ADGRB3: variants seen among roughly 807,000 people sequenced by gnomAD.
The protein encoded by ADGRB3 is brain-specific angiogenesis inhibitor 3.
A neutral mutation model predicts 193.4 loss-of-function variants in ADGRB3; 37 were observed. The observed-to-expected ratio is 0.19, with a 90% CI of 0.15 to 0.25. The LOEUF is 0.25. Ranked by LOEUF, ADGRB3 falls within the 10% of genes least tolerant of loss-of-function variation. The probability of loss-of-function intolerance (pLI) is 1.00; values close to 1 mark genes in which losing one functional copy is unlikely to be tolerated. For synonymous variants in ADGRB3, 690 were observed against 644.2 expected (o/e 1.07, Z -1.08); for missense variants, 1,637 against 1,852.9 (o/e 0.88, Z 2.14).
chr6:69,251,654 CA>C (rs1181641030), intron 20 of ADGRB3, among the ~76,000 whole-genome samples: 3 of 152,150 alleles, frequency 2.0e-5, no homozygotes, highest in African/African-American at 4.8e-5. Flanking sequence ...GTATAGTTAA[CA>C]AAAAAATGCA....
chr6:69,257,751 A>G (rs1238874479), intron 20 of ADGRB3, among the ~76,000 whole-genome samples: 3 of 152,218 alleles, frequency 2.0e-5, no homozygotes, highest in African/African-American at 7.2e-5. Context: ...AGATAGCATG[A>G]ATTTTGTGAA....
At chr6:69,081,293 C>A (rs1312686468) in intron 17 of ADGRB3, among the ~76,000 whole-genome samples, 1 of 151,852 alleles carries the variant, frequency 6.6e-6, no homozygotes, top group African/African-American at 2.4e-5. Flanking sequence ...TTTACATTAT[C>A]AAAATACTAG....
At chr6:69,332,194 T>C in intron 23 of ADGRB3, 1 of 985,448 alleles carries the variant, frequency 1.0e-6, no homozygotes, top group Non-Finnish European at 1.2e-6. Flanking sequence ...ATGCAGTTTT[T>C]ACAGTTTTAC....
intron 3 of ADGRB3, among the ~76,000 whole-genome samples, chr6:68,718,826 C>T (rs1006765808): frequency 2.0e-5 from 3 of 151,764 alleles, no homozygotes; most frequent in African/African-American, 4.8e-5. Context: ...AAACCTGGCC[C>T]ACTGCCTGTT....
intron 3 of ADGRB3, among the ~76,000 whole-genome samples, chr6:68,909,786 A>G (rs1766649510): frequency 6.6e-6 from 1 of 152,126 alleles, no homozygotes; most frequent in Non-Finnish European, 1.5e-5. Flanking sequence ...TATGAAATTT[A>G]AAGGGTAACC....
At chr6:68,782,511 T>G (rs894016488) in intron 3 of ADGRB3, among the ~76,000 whole-genome samples, 2 of 152,100 alleles carry the variant, frequency 1.3e-5, no homozygotes, top group African/African-American at 4.8e-5. Context: ...CTGGGTCAAA[T>G]GATATTTCTA....
chr6:68,929,161 G>A (rs996115248), intron 3 of ADGRB3, among the ~76,000 whole-genome samples: 1 of 152,076 alleles, frequency 6.6e-6, no homozygotes, highest in Non-Finnish European at 1.5e-5. Flanking sequence ...TTATTGATAA[G>A]CAGAATCAGC....
At chr6:69,082,481 T>TC (rs1239986737) in intron 17 of ADGRB3, among the ~76,000 whole-genome samples, 2 of 152,148 alleles carry the variant, frequency 1.3e-5, no homozygotes, top group Non-Finnish European at 2.9e-5. Context: ...TCTACTTTTT[T>TC]CCCCTCTCAG....
intron 17 of ADGRB3, among the ~76,000 whole-genome samples, chr6:69,226,952 A>C (rs1391477297): frequency 6.6e-6 from 1 of 152,216 alleles, no homozygotes; most frequent in Admixed American, 6.5e-5. Flanking sequence ...CCTTCTTTTG[A>C]TCAATTCAAG....
chr6:68,732,741 G>A (rs115410346), intron 3 of ADGRB3, among the ~76,000 whole-genome samples: 3,166 of 152,014 alleles, frequency 0.021, 101 homozygotes, highest in African/African-American at 0.072. Context: ...CTCCTATCAT[G>A]ATATTGGGAT....
chr6:69,227,056 A>G (rs1183405714), intron 17 of ADGRB3, among the ~76,000 whole-genome samples: 2 of 152,170 alleles, frequency 1.3e-5, no homozygotes, highest in Non-Finnish European at 2.9e-5. Context: ...TTTTTTACCT[A>G]CTACAGATGG....
chr6:68,993,188 G>C (rs1769288146), intron 10 of ADGRB3, among the ~76,000 whole-genome samples: 1 of 117,834 alleles, frequency 8.5e-6, no homozygotes, highest in Admixed American at 8.4e-5. Context: ...AATTGTTTTT[G>C]CTGTTTTTTT....
At chr6:68,927,139 A>G (rs1361369134) in intron 3 of ADGRB3, among the ~76,000 whole-genome samples, 1 of 151,832 alleles carries the variant, frequency 6.6e-6, no homozygotes, top group Non-Finnish European at 1.5e-5. Flanking sequence ...ATAACCCTGT[A>G]TATTCATAAA....
intron 20 of ADGRB3, among the ~76,000 whole-genome samples, chr6:69,313,817 T>C (rs886376322): frequency 1.3e-5 from 2 of 151,776 alleles, no homozygotes; most frequent in African/African-American, 4.8e-5. Flanking sequence ...GAAATACATA[T>C]ACATTGTAGA....
chr6:69,049,378 T>C, intron 15 of ADGRB3, 32 bp downstream of exon 15: 1 of 1,479,424 alleles, frequency 6.8e-7, no homozygotes, highest in South Asian at 1.2e-5. Context: ...TGTTGTAATT[T>C]TGTAAATTAT....
At chr6:68,712,911 A>AT (rs1429558649) in intron 3 of ADGRB3, among the ~76,000 whole-genome samples, 3 of 149,194 alleles carry the variant, frequency 2.0e-5, no homozygotes, top group African/African-American at 7.3e-5. Flanking sequence ...TTAATAAAAT[A>AT]ATTTTTTTTA....
chr6:69,371,538 C>T (rs1356253098), intron 29 of ADGRB3, among the ~76,000 whole-genome samples: 3 of 152,018 alleles, frequency 2.0e-5, no homozygotes, highest in African/African-American at 7.2e-5. Flanking sequence ...CTCCCTGTTT[C>T]ATTCCCTCTC....
chr6:69,123,641 A>G (rs1174205095), intron 17 of ADGRB3, among the ~76,000 whole-genome samples: 1 of 152,210 alleles, frequency 6.6e-6, no homozygotes, highest in Non-Finnish European at 1.5e-5. Context: ...AGGCAATTTT[A>G]TATACAGCAC....
chr6:68,697,242 C>A (rs1174744584), intron 3 of ADGRB3, among the ~76,000 whole-genome samples: 1 of 151,872 alleles, frequency 6.6e-6, no homozygotes, highest in Admixed American at 6.6e-5. Flanking sequence ...TTTCAATTAA[C>A]CAGTTTCTTT....
Sources: gnomAD v4.1 joint callset for allele counts (sites outside exome capture counted in the v4.1 genomes callset) on GRCh38, gnomAD v4.1.1 for gene constraint, MANE v1.5 for transcripts, NCBI Gene and HGNC (gene_info 2026-07-23, HGNC 2026-07-21) for gene names.